The following IL17RD variants were observed in gnomAD, a reference collection of about 807,000 sequenced individuals.
IL17RD encodes the protein interleukin 17 receptor D, also known as interleukin-17 receptor D.
IL17RD carries 52 observed loss-of-function variants against 80.5 expected under a neutral mutation model. The observed-to-expected ratio is 0.65, with a 90% confidence interval of 0.52 to 0.81. The LOEUF (loss-of-function observed/expected upper bound fraction) is 0.81, where lower values mean the gene tolerates loss of function less well. IL17RD is among the 40% of genes least tolerant of loss of function. The pLI is 0.00. For missense variants in IL17RD, 1,024 were observed against 955.1 expected (o/e 1.07, Z -0.95); for synonymous variants, 416 against 391.8 (o/e 1.06, Z -0.73).
intron 1 of IL17RD, among the ~76,000 whole-genome samples, chr3:57,157,578 A>T (rs886418947): frequency 2.0e-5 from 3 of 152,380 alleles, no homozygotes; most frequent in Admixed American, 6.5e-5. Flanking sequence ...TGCTGCACCC[A>T]GAGCAAATGT....
chr3:57,136,624 C>G (rs1471393677), intron 1 of IL17RD, among the ~76,000 whole-genome samples: 1 of 146,068 alleles, frequency 6.8e-6, no homozygotes. Context: ...ACCCCTCCCC[C>G]GCCCCCAACC....
At chr3:57,120,695 T>C (rs757865651) in intron 1 of IL17RD, among the ~76,000 whole-genome samples, 4 of 152,138 alleles carry the variant, frequency 2.6e-5, no homozygotes, top group African/African-American at 9.7e-5. Flanking sequence ...ATTCATCTAC[T>C]CCAGACGCCC....
At chr3:57,127,772 C>T (rs1362546125) in intron 1 of IL17RD, among the ~76,000 whole-genome samples, 2 of 152,108 alleles carry the variant, frequency 1.3e-5, no homozygotes, top group Non-Finnish European at 2.9e-5. Context: ...GCAGACAGTG[C>T]TGTGAGGCTT....
At chr3:57,099,503 A>G (rs1027372811) in intron 11 of IL17RD, among the ~76,000 whole-genome samples, 1 of 152,226 alleles carries the variant, frequency 6.6e-6, no homozygotes, top group Non-Finnish European at 1.5e-5. Context: ...CAGCAGCCAC[A>G]CTATCTTACA....
intron 1 of IL17RD, 82 bp from the exon 2 acceptor site, chr3:57,120,395 G>T: frequency 4.1e-6 from 4 of 968,552 alleles, no homozygotes; most frequent in Non-Finnish European, 6.6e-6. Context: ...CCAAATGCAA[G>T]CAGCACTGCT....
chr3:57,156,379 C>A (rs2060267118), intron 1 of IL17RD, among the ~76,000 whole-genome samples: 1 of 152,094 alleles, frequency 6.6e-6, no homozygotes, highest in African/African-American at 2.4e-5. Context: ...GCCTGGGCAA[C>A]ATAATAAAAC....
In IL17RD at chr3:57,098,067, T is replaced by C. The variant is rs1706730481; in HGVS notation, c.1636A>G (p.Ile546Val). ...SKSGRSLYVA[I>V]CNMHQFIDEE... ...TCAATAAACTGGTGCATGTTGCAAA[T>C]GGCGACGTATAGGGACCGGCCTGAC... The change falls in exon 12 of 13, where the codon ATT becomes GTT. Residue 546 changes from isoleucine to valine, a missense_variant. Coordinates refer to ENST00000296318, the MANE Select transcript of IL17RD (RefSeq NM_017563.5). The C allele has an allele frequency of 6.2e-7, 1 of 1,613,866 alleles. No individual in the cohort carries two copies. Among genetic ancestry groups the C allele is most frequent in the South Asian group, 1.1e-5 (1 of 91,082 alleles).
rs1387752496 is a variant in IL17RD at position 57,095,830 on chromosome 3, AGTCACTTTCT to A, written c.*553_*562del. 6.5e-6 allele frequency: 1 copy of A among 153,900 alleles called. No individual in the cohort carries two copies. Among genetic ancestry groups the A allele is most frequent in the African/African-American group, 2.4e-5 (1 of 41,466 alleles). The allele number at this position is 153,900 out of a possible 1,614,324, so 9.5% of individuals were successfully genotyped here. A position where few individuals can be genotyped will look rare whatever the true frequency, so the allele number is the denominator to read the frequency against. On this transcript the variant is annotated 3_prime_UTR_variant, in exon 13 of 13. Transcript: ENST00000296318. ...TTTCATAAAAGGTGACTGTATATTCAGTCACTTTCTTGACTTTTGACTCAAAGCTTATTTA... is the reference window on the plus strand; with the variant it reads ...TTTCATAAAAGGTGACTGTATATTCATGACTTTTGACTCAAAGCTTATTTA...
chr3:57,134,403 C>A, intron 1 of IL17RD: 1 of 714,832 alleles, frequency 1.4e-6, no homozygotes, highest in Non-Finnish European at 2.6e-6. Flanking sequence ...TGCCCAAATG[C>A]CAGGGAACGT....
At chr3:57,144,267 C>T (rs1412939949) in intron 1 of IL17RD, among the ~76,000 whole-genome samples, 1 of 152,184 alleles carries the variant, frequency 6.6e-6, no homozygotes, top group East Asian at 1.9e-4. Context: ...CCTGTTATCA[C>T]ACACAGTTGC....
At chr3:57,150,635 G>T (rs1708041056) in intron 1 of IL17RD, 1 of 152,242 alleles carries the variant, frequency 6.6e-6, no homozygotes, top group South Asian at 2.1e-4. Flanking sequence ...CGCCTCACCA[G>T]ATTTCCTCTG....
intron 2 of IL17RD, among the ~76,000 whole-genome samples, chr3:57,117,113 ATT>A (rs11422909): frequency 5.1e-5 from 7 of 136,132 alleles, no homozygotes; most frequent in Admixed American, 7.5e-5. Flanking sequence ...AAGTTTAAGA[ATT>A]TTTTTTTTTT....
rs1342234767 is a variant in IL17RD, at chr3:57,098,180, C to G, written c.1523G>C (p.Cys508Ser). The change falls in exon 12 of 13, where the codon TGT becomes TCT. Residue 508 changes from cysteine (C) to serine (S), a missense_variant. Physicochemically the swap from Cys to Ser is moderately radical, Grantham distance 112. Transcript: ENST00000296318. ...GTGGTCTCGGGAGTGCAAGTGGGAA[C>G]AGAGCTGAGGAAGATTGTCCATGAG... ...YRLMDNLPQL[C>S]SHLHSRDHGL... 7 of 1,613,800 alleles carry G rather than the reference C, an allele frequency of 4.3e-6. No individual in the cohort carries two copies. Among genetic ancestry groups the G allele is most frequent in the African/African-American group, 1.3e-5 (1 of 74,916 alleles).
At chr3:57,163,802 A>AAG (rs2060324832) in intron 1 of IL17RD, among the ~76,000 whole-genome samples, 1 of 7,378 alleles carries the variant, frequency 1.4e-4, no homozygotes. Context: ...GCGGGGGGGG[A>AAG]AGGGGGTGGC....
At chr3:57,127,395 A>ATATAT (rs1559477382) in intron 1 of IL17RD, among the ~76,000 whole-genome samples, 2 of 86,608 alleles carry the variant, frequency 2.3e-5, no homozygotes, top group African/African-American at 5.6e-5. Flanking sequence ...TAAATAAATA[A>ATATAT]ATATATATAT....
At chr3:57,108,854 T>A (rs1333804370) in intron 5 of IL17RD, among the ~76,000 whole-genome samples, 2 of 151,976 alleles carry the variant, frequency 1.3e-5, no homozygotes, top group African/African-American at 4.8e-5. Flanking sequence ...CTTGCTATGT[T>A]GCCCAGGCTA....
chr3:57,165,374 G>A, upstream of IL17RD: 3 of 1,128,948 alleles, frequency 2.7e-6, no homozygotes, highest in Non-Finnish European at 1.1e-6. Flanking sequence ...CGCGGCGGCC[G>A]CGGCGGCAGC....
At position 57,103,603 on chromosome 3, in the gene IL17RD, C is replaced by T. The variant is rs368545329; in HGVS notation, c.814-458G>A. ...CATGTTGGTTGTCTTTGAATGGTGG[C>T]ACTATGGACAAATTGTTAATTTCCT... On this transcript the variant is annotated intron_variant, in intron 8 of 12. Transcript: ENST00000296318. 1.2e-4 allele frequency among the ~76,000 whole-genome samples: 18 copies of T among 152,150 alleles called. No individual in the cohort carries two copies. In the East Asian group the frequency reaches 1.3e-3, roughly 11 times the overall value.
At chr3:57,134,066 A>C in intron 1 of IL17RD, 1 of 409,344 alleles carries the variant, frequency 2.4e-6, no homozygotes, top group Non-Finnish European at 4.5e-6. Flanking sequence ...GAAAGTCCAA[A>C]GGTTCTGGCT....
Sources: allele counts gnomAD v4.1 joint callset (sites outside exome capture counted in the v4.1 genomes callset), GRCh38; gene constraint gnomAD v4.1.1; transcripts MANE v1.5; gene names NCBI Gene and HGNC (gene_info 2026-07-23, HGNC 2026-07-21).